FBXL7: variants seen among roughly 807,000 people sequenced by gnomAD.
The protein encoded by FBXL7 is F-box and leucine rich repeat protein 7.
In FBXL7, 12 loss-of-function variants were observed where a neutral mutation model predicts 38.3. That is an observed-to-expected ratio of 0.31 (90% CI 0.20 to 0.51). The LOEUF (loss-of-function observed/expected upper bound fraction) is 0.51. Ranked by LOEUF, FBXL7 falls within the 20% of genes least tolerant of loss-of-function variation. FBXL7 has a pLI of 0.98. For missense variants in FBXL7, 567 were observed against 676.4 expected (o/e 0.84, Z 1.79); for synonymous variants, 297 against 300.9 (o/e 0.99, Z 0.13).
At chr5:15,525,863 G>A (rs1287807732) in intron 1 of FBXL7, among the ~76,000 whole-genome samples, 2 of 152,154 alleles carry the variant, frequency 1.3e-5, no homozygotes, top group African/African-American at 4.8e-5. Flanking sequence ...TCCCTGCAAA[G>A]TATTGCACAA....
At chr5:15,606,591 C>T (rs370956207) in intron 1 of FBXL7, among the ~76,000 whole-genome samples, 1 of 152,188 alleles carries the variant, frequency 6.6e-6, no homozygotes, top group African/African-American at 2.4e-5. Flanking sequence ...CTCGTTAGAA[C>T]ATTCAGTGTA....
chr5:15,929,346 G>C (rs144581678), intron 3 of FBXL7, among the ~76,000 whole-genome samples: 2 of 152,240 alleles, frequency 1.3e-5, no homozygotes, highest in African/African-American at 2.4e-5. Flanking sequence ...GAAGTCGGGC[G>C]TAGAGGCCCA....
chr5:15,859,411 G>A (rs186899833), intron 2 of FBXL7, among the ~76,000 whole-genome samples: 21 of 152,200 alleles, frequency 1.4e-4, no homozygotes, highest in Non-Finnish European at 4.4e-5. Flanking sequence ...GGCATCTACT[G>A]AGTAAAGGAC....
At chr5:15,608,888 T>C (rs1740125137) in intron 1 of FBXL7, among the ~76,000 whole-genome samples, 1 of 152,176 alleles carries the variant, frequency 6.6e-6, no homozygotes, top group Non-Finnish European at 1.5e-5. Context: ...CCTTGACTGA[T>C]ACAGACATCA....
intron 2 of FBXL7, among the ~76,000 whole-genome samples, chr5:15,895,353 T>A (rs1741065068): frequency 2.0e-5 from 3 of 152,156 alleles, no homozygotes; most frequent in Admixed American, 2.0e-4. Context: ...CTTTTTTTAA[T>A]CTAGTTAATT....
rs548586309 is a variant in FBXL7, at chr5:15,624,869, G to GTT, written c.127+8811_127+8812dup. 2.7e-3 allele frequency among the ~76,000 whole-genome samples: 371 copies of GTT among 135,966 alleles called. 2 individuals carry two copies. Among genetic ancestry groups the GTT allele is most frequent in the African/African-American group, 6.7e-3 (248 of 36,972 alleles). The allele number at this position is 135,966 out of a possible 152,430, so 89.2% of individuals were successfully genotyped here. Reference sequence around the variant, plus strand: ...AGTGTTGGCTGTGAGGTACATGTTTGTTTTTTTTTTTTTTTCCTAGATGAG... The same window carrying GTT: ...AGTGTTGGCTGTGAGGTACATGTTTGTTTTTTTTTTTTTTTTTCCTAGATGAG... On this transcript the variant is annotated intron_variant, in intron 2 of 3. Transcript: ENST00000504595.
intron 2 of FBXL7, among the ~76,000 whole-genome samples, chr5:15,766,383 T>G (rs1736593542): frequency 6.6e-6 from 1 of 152,218 alleles, no homozygotes. Context: ...GAGTATGTCT[T>G]AATTTTTGTA....
chr5:15,558,249 C>T (rs1738311002), intron 1 of FBXL7, among the ~76,000 whole-genome samples: 1 of 152,154 alleles, frequency 6.6e-6, no homozygotes, highest in African/African-American at 2.4e-5. Context: ...TTAACAGCAC[C>T]ATGCACGGTT....
At chr5:15,757,933 A>G (rs1304357624) in intron 2 of FBXL7, among the ~76,000 whole-genome samples, 1 of 152,106 alleles carries the variant, frequency 6.6e-6, no homozygotes, top group Non-Finnish European at 1.5e-5. Flanking sequence ...TCGTTTACAG[A>G]TGAGCCCAAA....
chr5:15,842,052 C>A (rs1416938094), intron 2 of FBXL7, among the ~76,000 whole-genome samples: 1 of 152,212 alleles, frequency 6.6e-6, no homozygotes, highest in Non-Finnish European at 1.5e-5. Context: ...AAGAGGGAAA[C>A]CATCCTCCAG....
Position 15,927,925 on chromosome 5 carries a change from A to C in FBXL7, c.163A>C (p.Ser55Arg). The change falls in exon 3 of 4, where the codon AGC (serine) becomes CGC (arginine). Residue 55 changes from serine to arginine, a missense_variant. Ser to Arg is a moderately radical substitution (Grantham distance 110, BLOSUM62 -1). Coordinates refer to ENST00000504595, the MANE Select transcript of FBXL7 (RefSeq NM_012304.5). Reference protein sequence around the residue: ...DLSMRTLSTPSPALICPPNLP... With the variant: ...DLSMRTLSTPRPALICPPNLP... ...GAGCATGCGCACACTGAGCACGCCC[A>C]GCCCAGCCCTGATATGTCCACCGAA... 1 of 1,541,052 alleles carries C rather than the reference A, an allele frequency of 6.5e-7. No homozygotes were observed. Among genetic ancestry groups the C allele is most frequent in the Non-Finnish European group, 8.7e-7 (1 of 1,143,452 alleles).
chr5:15,655,525 A>T (rs1741849961), intron 2 of FBXL7, among the ~76,000 whole-genome samples: 1 of 152,042 alleles, frequency 6.6e-6, no homozygotes. Flanking sequence ...AAGAGAAAGA[A>T]ATATAATTTT....
At chr5:15,561,603 T>C (rs1738418265) in intron 1 of FBXL7, among the ~76,000 whole-genome samples, 1 of 152,120 alleles carries the variant, frequency 6.6e-6, no homozygotes, top group Admixed American at 6.6e-5. Flanking sequence ...TGTCATGTAG[T>C]AGTCCTATTT....
chr5:15,913,014 C>T (rs571243492), intron 2 of FBXL7, among the ~76,000 whole-genome samples: 2 of 152,242 alleles, frequency 1.3e-5, no homozygotes, highest in African/African-American at 2.4e-5. Flanking sequence ...AGTCTCTTTA[C>T]GTGTTCTTTC....
chr5:15,904,907 T>C (rs1741318832), intron 2 of FBXL7, among the ~76,000 whole-genome samples: 1 of 152,184 alleles, frequency 6.6e-6, no homozygotes. Flanking sequence ...TCGTAGTATG[T>C]AAAATATCAA....
chr5:15,859,437 T>C (rs926745855), intron 2 of FBXL7, among the ~76,000 whole-genome samples: 3 of 152,110 alleles, frequency 2.0e-5, no homozygotes, highest in African/African-American at 4.8e-5. Flanking sequence ...ATCTCACCTG[T>C]ATTAGTCCAT....
intron 2 of FBXL7, among the ~76,000 whole-genome samples, chr5:15,718,548 G>A (rs1457640035): frequency 6.6e-6 from 1 of 152,122 alleles, no homozygotes; most frequent in South Asian, 2.1e-4. Flanking sequence ...AAATAAGCAA[G>A]GAAATAAAAT....
At chr5:15,548,346 A>G (rs1737974345) in intron 1 of FBXL7, among the ~76,000 whole-genome samples, 1 of 152,218 alleles carries the variant, frequency 6.6e-6, no homozygotes, top group Admixed American at 6.5e-5. Flanking sequence ...TCTGGAATGT[A>G]CATTAAAATT....
chr5:15,652,637 A>G (rs913903136), intron 2 of FBXL7, among the ~76,000 whole-genome samples: 1 of 152,184 alleles, frequency 6.6e-6, no homozygotes, highest in African/African-American at 2.4e-5. Context: ...AGCTTTTGAC[A>G]TATCTTCAAG....
Sources: gnomAD v4.1 joint callset for allele counts (sites outside exome capture counted in the v4.1 genomes callset) on GRCh38, gnomAD v4.1.1 for gene constraint, MANE v1.5 for transcripts, NCBI Gene and HGNC (gene_info 2026-07-23, HGNC 2026-07-21) for gene names.